The following SENP7 variants were observed in gnomAD, a reference collection of about 807,000 sequenced individuals.
SENP7 encodes the protein SUMO specific peptidase 7, also known as sentrin-specific protease 7.
In SENP7, 64 loss-of-function variants were observed where a neutral mutation model predicts 141.2. The ratio of observed to expected loss-of-function variants is 0.45; its 90% CI spans 0.37 to 0.56. The LOEUF (loss-of-function observed/expected upper bound fraction) is 0.56, where lower values mean the gene tolerates loss of function less well. SENP7 is among the 20% of genes least tolerant of loss of function. SENP7 has a pLI of 0.00. For synonymous variants in SENP7, 382 were observed against 426.4 expected, an observed-to-expected ratio of 0.90 and a Z score of 1.28; for missense variants, 1,025 against 1,212.2, an observed-to-expected ratio of 0.85 and a Z score of 2.29.
chr3:101,414,385 T>C, intron 5 of SENP7: 1 of 924,228 alleles, frequency 1.1e-6, no homozygotes, highest in Admixed American at 1.7e-5. Context: ...CATCAAGCAC[T>C]GCCATGTGCT....
chr3:101,387,665 T>G (rs1437253105), intron 6 of SENP7, among the ~76,000 whole-genome samples: 1 of 152,174 alleles, frequency 6.6e-6, no homozygotes, highest in Non-Finnish European at 1.5e-5. Context: ...CCACTGCCTG[T>G]GCACTCCATC....
At position 101,326,158 on chromosome 3, in the gene SENP7, A is replaced by G. The variant is rs2058893044; in HGVS notation, c.3016-78T>C. ...TGTTTTAATTTCATTTTTATAAGAA[A>G]TGACAAATTGCTAACTTTTTTAAAA... On this transcript the variant is annotated intron_variant, in intron 23 of 23. Transcript: ENST00000394095. 4 of 1,208,218 alleles carry G rather than the reference A, an allele frequency of 3.3e-6. 1 individual carries two copies. The South Asian group carries it at 7.3e-5, about 22-fold the overall frequency. 74.8% of individuals were successfully genotyped at this position (1,208,218 alleles called of 1,614,324 possible).
In SENP7 at chr3:101,337,596, A is replaced by G. The variant is rs1273326413; in HGVS notation, c.2393T>C (p.Val798Ala). 1.2e-6 allele frequency: 2 copies of G among 1,606,482 alleles called. No individual in the cohort carries two copies. Among genetic ancestry groups the G allele is most frequent in the South Asian group, 1.1e-5 (1 of 89,728 alleles). The part of the protein sequence containing the change: ...LILEKASDEL[V>A]ERSHIFSSFF... ...GCTACTAAAAATGTGACTTCGTTCA[A>G]CAAGTTCATCTGATGCCTTCTCCAA... The change falls in exon 17 of 24, where the codon GTT becomes GCT. Residue 798 changes from valine (V) to alanine (A), a missense_variant. Coordinates refer to ENST00000394095, the MANE Select transcript of SENP7 (RefSeq NM_020654.5).
intron 16 of SENP7, among the ~76,000 whole-genome samples, chr3:101,338,290 G>A (rs1233305987): frequency 1.3e-5 from 2 of 151,996 alleles, no homozygotes; most frequent in African/African-American, 4.8e-5. Flanking sequence ...GAGGAGTGAG[G>A]GTAGAAAATA....
At chr3:101,473,872 C>T (rs999664724) in intron 3 of SENP7, among the ~76,000 whole-genome samples, 4 of 152,154 alleles carry the variant, frequency 2.6e-5, no homozygotes, top group East Asian at 1.9e-4. Context: ...TGAGGTTTTA[C>T]ATTTAAGTCT....
rs2059017383 is a variant in SENP7 at position 101,330,388 on chromosome 3, T to C, written c.2699-2A>G. 6.3e-7 allele frequency: 1 copy of C among 1,599,084 alleles called. No individual in the cohort carries two copies. The highest frequency in any genetic ancestry group is 1.3e-5 in the African/African-American group (1 of 74,540). The stretch of plus-strand genomic sequence containing the variant: ...TCGAAGTAGTACGTAGATCATTATC[T>C]AGTTAGAAATAATTAAGCAGTTATG... On this transcript the variant is annotated splice_acceptor_variant, in intron 19 of 23. Transcript: ENST00000394095. LOFTEE classifies it high-confidence loss of function.
intron 4 of SENP7, among the ~76,000 whole-genome samples, chr3:101,428,066 T>C (rs1164134594): frequency 2.0e-5 from 3 of 152,226 alleles, no homozygotes; most frequent in Non-Finnish European, 4.4e-5. Context: ...ATGGTGTATA[T>C]GTGCCATGTT....
chr3:101,347,811 G>GA (rs2059507662), intron 13 of SENP7, 61 bp downstream of exon 13: 2 of 790,610 alleles, frequency 2.5e-6, no homozygotes, highest in Non-Finnish European at 3.7e-6. Context: ...ATTATTTTAG[G>GA]AAAAAACTAT....
At chr3:101,352,805 GTTTAT>G (rs1333804083) in intron 11 of SENP7, among the ~76,000 whole-genome samples, 1 of 151,884 alleles carries the variant, frequency 6.6e-6, no homozygotes, top group Non-Finnish European at 1.5e-5. Context: ...GAAACCACAG[GTTTAT>G]TTTGACTCCA....
chr3:101,428,354 A>G (rs138046864), intron 4 of SENP7, among the ~76,000 whole-genome samples: 1,807 of 152,326 alleles, frequency 0.012, 29 homozygotes, highest in African/African-American at 0.04. Context: ...CCTCTCCAGC[A>G]TCTGCTGTTT....
At chr3:101,451,727 C>T (rs1466514341) in intron 4 of SENP7, among the ~76,000 whole-genome samples, 1 of 152,128 alleles carries the variant, frequency 6.6e-6, no homozygotes, top group African/African-American at 2.4e-5. Context: ...ATAATAAGAG[C>T]TATCTATGAC....
rs542789109 is a variant in SENP7 at position 101,414,481 on chromosome 3, A to C, written c.482+3112T>G. 339 of 1,517,290 alleles carry C rather than the reference A, an allele frequency of 2.2e-4. 7 individuals are homozygous for C. The South Asian group carries it at 3.7e-3, about 17-fold the overall frequency. The allele number at this position is 1,517,290 out of a possible 1,614,324, so 94.0% of individuals were successfully genotyped here. Reference sequence around the variant, plus strand: ...CCAGTGTACCACGCAATGCAACAACAAAGCCAAAGATTCAATAGCTGCTGG... The same window carrying C: ...CCAGTGTACCACGCAATGCAACAACCAAGCCAAAGATTCAATAGCTGCTGG... On this transcript the variant is annotated intron_variant, in intron 5 of 23. Transcript: ENST00000394095.
intron 1 of SENP7, among the ~76,000 whole-genome samples, chr3:101,505,797 G>A (rs577123781): frequency 6.6e-6 from 1 of 152,258 alleles, no homozygotes; most frequent in Admixed American, 6.5e-5. Context: ...TCAGATTAAA[G>A]CATGATAGTC....
chr3:101,330,534 T>C (rs1052125882), intron 19 of SENP7, 148 bp from the exon 20 acceptor site: 16 of 495,924 alleles, frequency 3.2e-5, no homozygotes, highest in African/African-American at 3.0e-4. Context: ...ATTAATGTTA[T>C]GAATAAAATT....
intron 17 of SENP7, among the ~76,000 whole-genome samples, chr3:101,335,288 T>C (rs1233436909): frequency 6.6e-6 from 1 of 152,184 alleles, no homozygotes; most frequent in Non-Finnish European, 1.5e-5. Flanking sequence ...CAGGATCTCA[T>C]AAAGCATGAT....
At chr3:101,456,941 T>G (rs2063371486) in intron 4 of SENP7, among the ~76,000 whole-genome samples, 2 of 150,242 alleles carry the variant, frequency 1.3e-5, no homozygotes, top group South Asian at 4.2e-4. Flanking sequence ...TGATATAAGC[T>G]TTTTGTTTTG....
rs1448463003 is a variant in SENP7, at chr3:101,480,612, T to C, written c.186+13261A>G. On this transcript the variant is annotated intron_variant, in intron 3 of 23. Coordinates refer to ENST00000394095, the MANE Select transcript of SENP7 (RefSeq NM_020654.5). Reference sequence around the variant, plus strand: ...GACATCGGTCTAGGCAAAGATTTTATGACTAAGACCTCAAAAGCAAAGCAA... The same window carrying C: ...GACATCGGTCTAGGCAAAGATTTTACGACTAAGACCTCAAAAGCAAAGCAA... Among the ~76,000 whole-genome samples, 12 of 152,270 alleles carry C rather than the reference T, an allele frequency of 7.9e-5. 1 individual carries two copies. The highest frequency in any genetic ancestry group is 7.9e-4 in the Admixed American group (12 of 15,282).
chr3:101,425,026 A>C (rs557825334), intron 4 of SENP7, among the ~76,000 whole-genome samples: 1 of 152,296 alleles, frequency 6.6e-6, no homozygotes, highest in African/African-American at 2.4e-5. Flanking sequence ...ACCGCCATGT[A>C]AGATGTTCCT....
chr3:101,485,714 C>T (rs889546312), intron 3 of SENP7, among the ~76,000 whole-genome samples: 3 of 152,106 alleles, frequency 2.0e-5, no homozygotes, highest in Admixed American at 6.6e-5. Flanking sequence ...AACAACCCCC[C>T]ACCAAAATCA....
Sources: gnomAD v4.1 joint callset for allele counts (sites outside exome capture counted in the v4.1 genomes callset) on GRCh38, gnomAD v4.1.1 for gene constraint, MANE v1.5 for transcripts, NCBI Gene and HGNC (gene_info 2026-07-23, HGNC 2026-07-21) for gene names.